Variants in MSN observed in about 807,000 individuals in gnomAD.
MSN encodes epididymis luminal protein 70.
In MSN, 2 loss-of-function variants were observed where a neutral mutation model predicts 48.0. That is an observed-to-expected ratio of 0.04 (90% confidence interval 0.02 to 0.13). The LOEUF is 0.13. Ranked by LOEUF, MSN falls within the 10% of genes least tolerant of loss-of-function variation. The pLI is 1.00. For missense variants in MSN, 267 were observed against 470.1 expected, an observed-to-expected ratio of 0.57 and a Z score of 3.99; for synonymous variants, 146 against 166.9, an observed-to-expected ratio of 0.87 and a Z score of 0.97.
At chrX:65,630,966 G>C (rs2070552335) in intron 1 of MSN, among the ~76,000 whole-genome samples, 1 of 111,294 alleles carries the variant, frequency 9.0e-6, no homozygotes, top group Non-Finnish European at 1.9e-5. Context: ...CATAACTATT[G>C]TGTAATATCA....
At chrX:65,739,282 A>G in intron 12 of MSN, 88 bp downstream of exon 12, 1 of 909,125 alleles carries the variant, frequency 1.1e-6, no homozygotes, top group African/African-American at 1.9e-5. Flanking sequence ...GGGGATAGGT[A>G]TAAGATCCTG....
At chrX:65,732,057 G>A (rs2071627889) in intron 6 of MSN, 73 bp downstream of exon 6, 4 of 1,062,981 alleles carry the variant, frequency 3.8e-6, no homozygotes, top group Non-Finnish European at 5.1e-6. Flanking sequence ...CAAGGAGCAG[G>A]GCCATATCTC....
chrX:65,657,156 A>C (rs2779281), intron 1 of MSN, among the ~76,000 whole-genome samples: 85 of 111,664 alleles, frequency 7.6e-4, no homozygotes, highest in African/African-American at 2.7e-3. Context: ...CAGAGAGCAG[A>C]GCTTGGTGAC....
chrX:65,694,400 G>A (rs2147476671), intron 1 of MSN, among the ~76,000 whole-genome samples: 1 of 108,028 alleles, frequency 9.3e-6, no homozygotes, highest in East Asian at 2.9e-4. Flanking sequence ...CACGATCTCC[G>A]CTCACTGCAG....
intron 1 of MSN, among the ~76,000 whole-genome samples, chrX:65,638,640 C>T (rs1388316072): frequency 1.8e-5 from 2 of 112,732 alleles, no homozygotes; most frequent in African/African-American, 6.4e-5. Flanking sequence ...TGGCAACCTC[C>T]ACCTCCTGGG....
chrX:65,730,040 G>T (rs2071607711), intron 4 of MSN, among the ~76,000 whole-genome samples: 1 of 111,793 alleles, frequency 8.9e-6, no homozygotes, highest in Non-Finnish European at 1.9e-5. Flanking sequence ...TCTTTTTACT[G>T]ATTTAGATCT....
chrX:65,642,527 A>T (rs1394900611), intron 1 of MSN, among the ~76,000 whole-genome samples: 1 of 112,153 alleles, frequency 8.9e-6, no homozygotes, highest in African/African-American at 3.2e-5. Flanking sequence ...AACAAGTGAC[A>T]AACTGGAGTC....
chrX:65,664,059 C>CA (rs773139397), upstream of MSN, among the ~76,000 whole-genome samples: 191 of 40,117 alleles, frequency 4.8e-3, 1 homozygote, highest in South Asian at 0.023. Context: ...GACTCCATCT[C>CA]AAAAAAAAAA....
At chrX:65,636,503 G>A (rs1320631393) in intron 1 of MSN, among the ~76,000 whole-genome samples, 1 of 109,758 alleles carries the variant, frequency 9.1e-6, no homozygotes, top group African/African-American at 3.3e-5. Flanking sequence ...TTGGGAGGCC[G>A]AGGTGGATGG....
intron 1 of MSN, among the ~76,000 whole-genome samples, chrX:65,606,862 C>A (rs1434875387): frequency 8.9e-6 from 1 of 112,479 alleles, no homozygotes; most frequent in Non-Finnish European, 1.9e-5. Flanking sequence ...AACTATTTAT[C>A]AAACAGTCAC....
At chrX:65,679,467 G>A (rs1187921205) in intron 1 of MSN, among the ~76,000 whole-genome samples, 1 of 111,620 alleles carries the variant, frequency 9.0e-6, no homozygotes, top group East Asian at 2.8e-4. Context: ...GGAGCAAAAG[G>A]GAGAATTTCT....
At chrX:65,663,720 A>G (rs905302963), upstream of MSN, among the ~76,000 whole-genome samples, 1 of 111,322 alleles carries the variant, frequency 9.0e-6, no homozygotes, top group Admixed American at 9.6e-5. Context: ...GGTGCCCATG[A>G]TCAATGGTTG....
intron 1 of MSN, among the ~76,000 whole-genome samples, chrX:65,623,147 T>C (rs1299432879): frequency 1.8e-5 from 2 of 109,363 alleles, no homozygotes; most frequent in Non-Finnish European, 3.8e-5. Context: ...GTGACTAGAT[T>C]TGCTTTGTTA....
upstream of MSN, among the ~76,000 whole-genome samples, chrX:65,665,146 T>TG (rs913983255): frequency 9.0e-6 from 1 of 110,881 alleles, no homozygotes; most frequent in Non-Finnish European, 1.9e-5. Context: ...GCATGGGAGG[T>TG]GGGGAATGAC....
chrX:65,639,816 C>T (rs764270633), intron 1 of MSN, among the ~76,000 whole-genome samples: 6 of 111,876 alleles, frequency 5.4e-5, no homozygotes, highest in Non-Finnish European at 1.1e-4. Flanking sequence ...TAGCTGAAGG[C>T]TAGGCCTGAT....
chrX:65,676,968 G>A (rs1443188247), intron 1 of MSN, among the ~76,000 whole-genome samples: 2 of 110,640 alleles, frequency 1.8e-5, no homozygotes, highest in African/African-American at 6.6e-5. Flanking sequence ...GGGACTACAG[G>A]TGTGCGCCGC....
At position 65,709,747 on chromosome X, in the gene MSN, C is replaced by T. The variant is rs528069601; in HGVS notation, c.13-7071C>T. ...TGACCTACAATTGACATGATCTGTT[C>T]GAGACACTGGCTTGCTTCCTTTGAA... On this transcript the variant is annotated intron_variant, in intron 1 of 12. Coordinates refer to ENST00000360270, the MANE Select transcript of MSN (RefSeq NM_002444.3). 1.9e-4 allele frequency among the ~76,000 whole-genome samples: 21 copies of T among 112,835 alleles called. No individual in the cohort carries two copies. In the South Asian group the frequency reaches 4.3e-3, roughly 23 times the overall value.
chrX:65,686,081 G>A (rs937393672), intron 1 of MSN, among the ~76,000 whole-genome samples: 1 of 112,924 alleles, frequency 8.9e-6, no homozygotes, highest in Non-Finnish European at 1.9e-5. Context: ...GCACTCAGCT[G>A]TAGGTGAGCC....
At chrX:65,610,061 C>A (rs2148354255) in intron 1 of MSN, among the ~76,000 whole-genome samples, 1 of 111,747 alleles carries the variant, frequency 8.9e-6, no homozygotes, top group East Asian at 2.8e-4. Flanking sequence ...CCGTTATTAC[C>A]ATTTTTTCCT....
Sources: allele counts gnomAD v4.1 joint callset (sites outside exome capture counted in the v4.1 genomes callset), GRCh38; gene constraint gnomAD v4.1.1; transcripts MANE v1.5; gene names NCBI Gene and HGNC (gene_info 2026-07-23, HGNC 2026-07-21).